The following CSMD1 variants were observed in gnomAD, a reference collection of about 807,000 sequenced individuals.
CSMD1 encodes CUB and sushi domain-containing protein 1.
A neutral mutation model predicts 417.5 loss-of-function variants in CSMD1; 213 were observed. The observed-to-expected ratio is 0.51, with a 90% CI of 0.46 to 0.57. CSMD1 has a LOEUF of 0.57. CSMD1 is among the 20% of genes least tolerant of loss of function. The pLI is 0.00. For synonymous variants in CSMD1, 2,862 were observed against 1,736.8 expected, an observed-to-expected ratio of 1.65 and a Z score of -16.11; for missense variants, 6,923 against 4,529.7, an observed-to-expected ratio of 1.53 and a Z score of -15.17.
chr8:4,325,951 C>T (rs1799533948), intron 3 of CSMD1, among the ~76,000 whole-genome samples: 1 of 152,116 alleles, frequency 6.6e-6, no homozygotes. Context: ...TGTTCACGGT[C>T]ATATCAGTCT....
At chr8:2,971,846 T>A (rs1804485584) in intron 57 of CSMD1, among the ~76,000 whole-genome samples, 1 of 152,198 alleles carries the variant, frequency 6.6e-6, no homozygotes, top group Non-Finnish European at 1.5e-5. Flanking sequence ...TCAGTGGTAT[T>A]TGACCTAAGA....
intron 3 of CSMD1, among the ~76,000 whole-genome samples, chr8:4,085,692 T>G (rs1241649266): frequency 6.6e-6 from 1 of 152,160 alleles, no homozygotes; most frequent in East Asian, 1.9e-4. Flanking sequence ...TGCTCTAATA[T>G]GATCCCAAAT....
chr8:4,878,868 A>G (rs1254486972), intron 1 of CSMD1, among the ~76,000 whole-genome samples: 1 of 151,484 alleles, frequency 6.6e-6, no homozygotes, highest in Non-Finnish European at 1.5e-5. Flanking sequence ...GATAAGGCAG[A>G]ACCCAGACAC....
chr8:4,942,844 T>G (rs184714266), intron 1 of CSMD1, among the ~76,000 whole-genome samples: 6 of 152,366 alleles, frequency 3.9e-5, no homozygotes, highest in Non-Finnish European at 7.3e-5. Flanking sequence ...AATTCACAGA[T>G]AGTGGGACCT....
chr8:4,122,643 C>G (rs1327566715), intron 3 of CSMD1, among the ~76,000 whole-genome samples: 2 of 152,140 alleles, frequency 1.3e-5, no homozygotes, highest in African/African-American at 2.4e-5. Flanking sequence ...ATCGCCAAAC[C>G]AAACCATGTG....
intron 12 of CSMD1, among the ~76,000 whole-genome samples, chr8:3,433,488 T>C (rs1397890826): frequency 2.0e-5 from 3 of 152,180 alleles, no homozygotes; most frequent in Non-Finnish European, 2.9e-5. Flanking sequence ...TGTGGGCGGA[T>C]TGCTTCTTGG....
At chr8:3,541,109 G>A (rs148599078) in intron 10 of CSMD1, among the ~76,000 whole-genome samples, 1,779 of 152,254 alleles carry the variant, frequency 0.012, 33 homozygotes, top group East Asian at 0.052. Flanking sequence ...ATTCACAACA[G>A]CAAAGACATG....
intron 3 of CSMD1, among the ~76,000 whole-genome samples, chr8:4,213,398 T>C (rs1387449909): frequency 6.6e-6 from 1 of 152,148 alleles, no homozygotes; most frequent in African/African-American, 2.4e-5. Flanking sequence ...CTTCAATCCA[T>C]CCTAATCACT....
chr8:3,859,151 A>G (rs1374379476), intron 5 of CSMD1, among the ~76,000 whole-genome samples: 1 of 152,202 alleles, frequency 6.6e-6, no homozygotes, highest in Non-Finnish European at 1.5e-5. Flanking sequence ...CCACACAGGC[A>G]TAGCACTGTG....
At chr8:3,762,524 T>G (rs960439675) in intron 5 of CSMD1, among the ~76,000 whole-genome samples, 2 of 152,228 alleles carry the variant, frequency 1.3e-5, no homozygotes, top group African/African-American at 4.8e-5. Context: ...TTATATCCTC[T>G]GTGACTCAGC....
chr8:3,906,218 T>C (rs1053115098), intron 5 of CSMD1, among the ~76,000 whole-genome samples: 1 of 152,138 alleles, frequency 6.6e-6, no homozygotes, highest in African/African-American at 2.4e-5. Context: ...ATTATCTTGA[T>C]TGTGACCACA....
At chr8:3,734,780 T>C (rs1994047) in intron 6 of CSMD1, among the ~76,000 whole-genome samples, 143,201 of 152,272 alleles carry the variant, frequency 0.94, 68,014 homozygotes, top group East Asian at 1. Flanking sequence ...CAGATCTCTC[T>C]GCTCTCTGCA....
rs1321713495 is a variant in CSMD1, at chr8:4,608,053, G to C, written c.302+29289C>G. Among the ~76,000 whole-genome samples the C allele has an allele frequency of 2.6e-5, 4 of 152,254 alleles. No individual in the cohort carries two copies. The South Asian group carries it at 8.3e-4, about 32-fold the overall frequency. On this transcript the variant is annotated intron_variant, in intron 2 of 69. Transcript: ENST00000635120. The stretch of plus-strand genomic sequence containing the variant: ...CCTTGCCCAGAAAAGGGTGTTCCAG[G>C]TGAAGGCCCTGGGAGGAGATGGTGC...
At chr8:4,465,389 G>A (rs193235632) in intron 2 of CSMD1, among the ~76,000 whole-genome samples, 1 of 152,126 alleles carries the variant, frequency 6.6e-6, no homozygotes, top group Non-Finnish European at 1.5e-5. Flanking sequence ...AACATGGTTT[G>A]AAAGTCTATT....
At chr8:4,960,622 T>G (rs964938952) in intron 1 of CSMD1, among the ~76,000 whole-genome samples, 1 of 152,144 alleles carries the variant, frequency 6.6e-6, no homozygotes, top group African/African-American at 2.4e-5. Context: ...CATGGGTGCA[T>G]GCATCCATAC....
chr8:4,409,937 C>T (rs1240125975), intron 3 of CSMD1, among the ~76,000 whole-genome samples: 1 of 151,958 alleles, frequency 6.6e-6, no homozygotes, highest in Non-Finnish European at 1.5e-5. Context: ...CCTCAGCTTC[C>T]CAAGTAGCTG....
intron 1 of CSMD1, among the ~76,000 whole-genome samples, chr8:4,948,662 T>G (rs913252449): frequency 6.6e-6 from 1 of 152,098 alleles, no homozygotes; most frequent in Admixed American, 6.6e-5. Flanking sequence ...TGTTGCTAGG[T>G]TGCTAAACTC....
intron 2 of CSMD1, among the ~76,000 whole-genome samples, chr8:4,436,808 T>C (rs952840893): frequency 1.3e-5 from 2 of 152,208 alleles, no homozygotes; most frequent in Non-Finnish European, 2.9e-5. Context: ...CATTTAACAA[T>C]GATCTCCAGC....
intron 3 of CSMD1, among the ~76,000 whole-genome samples, chr8:4,040,600 T>C (rs73658540): frequency 1.3e-4 from 20 of 152,144 alleles, no homozygotes; most frequent in African/African-American, 4.8e-4. Flanking sequence ...CATGCATATA[T>C]GGATTGGGGA....
Sources: allele counts gnomAD v4.1 joint callset (sites outside exome capture counted in the v4.1 genomes callset), GRCh38; gene constraint gnomAD v4.1.1; transcripts MANE v1.5; gene names NCBI Gene and HGNC (gene_info 2026-07-23, HGNC 2026-07-21).